The following PEX26 variants were observed in gnomAD, a reference collection of about 807,000 sequenced individuals.
The protein encoded by PEX26 is peroxisome assembly protein 26.
PEX26 carries 18 observed loss-of-function variants against 31.4 expected under a neutral mutation model. The observed-to-expected ratio is 0.57, with a 90% confidence interval of 0.40 to 0.85. PEX26 has a LOEUF of 0.85. Ranked by LOEUF, PEX26 falls within the 40% of genes least tolerant of loss-of-function variation. The pLI is 0.00. For missense variants in PEX26, 377 were observed against 383.9 expected, an observed-to-expected ratio of 0.98 and a Z score of 0.15; for synonymous variants, 176 against 166.9, an observed-to-expected ratio of 1.05 and a Z score of -0.42.
At position 18,098,811 on chromosome 22, in the gene PEX26, A is replaced by G. The variant is rs1382079353; in HGVS notation, c.*10736A>G. 3 of 151,666 alleles carry G rather than the reference A, an allele frequency of 2.0e-5. No homozygotes were observed. Among genetic ancestry groups the G allele is most frequent in the Admixed American group, 2.0e-4 (3 of 15,208 alleles). 9.4% of individuals were successfully genotyped at this position (151,666 alleles called of 1,614,324 possible). A position where few individuals can be genotyped will look rare whatever the true frequency, so the allele number is the denominator to read the frequency against. ...TACACATATGCAATGGAGTAATGAA[A>G]ATACTATATAATAAATATAAAATGG... is the stretch of plus-strand genomic sequence containing the variant. On this transcript the variant is annotated 3_prime_UTR_variant, in exon 5 of 5. Transcript: ENST00000399744.
Position 18,101,777 on chromosome 22 carries a change from G to T in PEX26, c.*13702G>T, listed in dbSNP as rs2123679837. On this transcript the variant is annotated 3_prime_UTR_variant, in exon 5 of 5. Transcript: ENST00000399744. ...TGGGCAAGTCAGCTCTCTGATGGAT[G>T]GTGCAATTTCCTTGGTCATTAACCT... 4.7e-6 allele frequency: 1 copy of T among 210,916 alleles called. No homozygotes were observed. The highest frequency in any genetic ancestry group is 9.4e-5 in the South Asian group (1 of 10,672). 13.1% of individuals were successfully genotyped at this position (210,916 alleles called of 1,614,324 possible). A position where few individuals can be genotyped will look rare whatever the true frequency, so the allele number is the denominator to read the frequency against.
At position 18,095,286 on chromosome 22, in the gene PEX26, A is replaced by G. The variant is rs1297514498; in HGVS notation, c.*7211A>G. 1 of 152,212 alleles carries G rather than the reference A, an allele frequency of 6.6e-6. No homozygotes were observed. The highest frequency in any genetic ancestry group is 1.5e-5 in the Non-Finnish European group (1 of 68,070). 9.4% of individuals were successfully genotyped at this position (152,212 alleles called of 1,614,324 possible). ...GTTCTTCTCAGATGTACCAGCAATG[A>G]CAAAGCCTGGCGGGTGTCCTCCTGG... is the stretch of plus-strand genomic sequence containing the variant. On this transcript the variant is annotated 3_prime_UTR_variant, in exon 5 of 5. Coordinates refer to ENST00000399744, the MANE Select transcript of PEX26 (RefSeq NM_001127649.3).
chr22:18,078,370 A>G lies in PEX26; in HGVS notation c.-7A>G, dbSNP rs747273337. On this transcript the variant is annotated 5_prime_UTR_variant, in exon 1 of 5. Transcript: ENST00000399744. ...CTGAGGACCTGGGCCTTGGACCCGG[A>G]CTCGTTATGAAGAGCGATTCTTCGA... 5.7e-6 allele frequency: 9 copies of G among 1,591,600 alleles called. No individual in the cohort carries two copies. In the East Asian group the frequency reaches 2.0e-4, roughly 36 times the overall value.
intron 3 of PEX26, among the ~76,000 whole-genome samples, chr22:18,084,500 C>T (rs560800746): frequency 1.3e-5 from 2 of 152,022 alleles, no homozygotes; most frequent in Non-Finnish European, 2.9e-5. Context: ...GCCTTGGCCT[C>T]CCAAAGTGCT....
chr22:18,079,695 A>G, intron 1 of PEX26, among the ~76,000 whole-genome samples, 179 bp from the exon 2 acceptor site: 1 of 152,164 alleles, frequency 6.6e-6, no homozygotes, highest in Non-Finnish European at 1.5e-5. Context: ...AGGAACTTTT[A>G]GTTCCTGGGG....
chr22:18,087,493 G>A (rs114618379), intron 4 of PEX26, among the ~76,000 whole-genome samples: 25 of 152,332 alleles, frequency 1.6e-4, no homozygotes, highest in African/African-American at 5.5e-4. Context: ...GTTAGCGCTC[G>A]GAATGCTCAG....
At chr22:18,082,328 T>A (rs1926649325) in intron 2 of PEX26, among the ~76,000 whole-genome samples, 1 of 152,194 alleles carries the variant, frequency 6.6e-6, no homozygotes, top group Non-Finnish European at 1.5e-5. Flanking sequence ...TTTCTTCTAG[T>A]AGTTTCATGG....
At chr22:18,085,919 A>G (rs941162224) in intron 4 of PEX26, among the ~76,000 whole-genome samples, 1 of 152,156 alleles carries the variant, frequency 6.6e-6, no homozygotes, top group Non-Finnish European at 1.5e-5. Flanking sequence ...CAGAATATCT[A>G]CAAAAGTGTT....
rs1427333036 is a variant in PEX26 at position 18,097,967 on chromosome 22, C to T, written c.*9892C>T. On this transcript the variant is annotated 3_prime_UTR_variant, in exon 5 of 5. Transcript: ENST00000399744. ...GTGGCCCATGCCCGTAATCCCACCA[C>T]TTTGGGTGGCCAAGGCAGGTGGATC... 6.6e-6 allele frequency: 1 copy of T among 152,286 alleles called. No homozygotes were observed. The highest frequency in any genetic ancestry group is 2.1e-4 in the South Asian group (1 of 4,836). The allele number at this position is 152,286 out of a possible 1,614,324, so 9.4% of individuals were successfully genotyped here. A position where few individuals can be genotyped will look rare whatever the true frequency, so the allele number is the denominator to read the frequency against.
rs751008716 is a variant in PEX26, at chr22:18,078,072, G to A, written c.-305G>A. 5.4e-6 allele frequency: 3 copies of A among 559,176 alleles called. No individual in the cohort carries two copies. The highest frequency in any genetic ancestry group is 4.1e-5 in the East Asian group (1 of 24,242). The allele number at this position is 559,176 out of a possible 1,614,324, so 34.6% of individuals were successfully genotyped here. On this transcript the variant is annotated 5_prime_UTR_variant, in exon 1 of 5. Transcript: ENST00000399744. ...GGTGAGTCTTTGATCGTAACCAGGA[G>A]CCCGGAGCTGAGGCAGTTCCTGCAC...
At chr22:18,080,805 G>A (rs361742) in intron 2 of PEX26, among the ~76,000 whole-genome samples, 20,428 of 151,738 alleles carry the variant, frequency 0.13, 1,768 homozygotes, top group African/African-American at 0.26. Flanking sequence ...CCTCTCTTCC[G>A]GCTATTTTAT....
Position 18,103,265 on chromosome 22 carries a change from C to A in PEX26, c.*15190C>A, listed in dbSNP as rs1317649747. ...AATGCTTGATAGCAGAATAGGGTGA[C>A]CATTGTTAACACTGTATTGGGTGTT... On this transcript the variant is annotated 3_prime_UTR_variant, in exon 5 of 5. Transcript: ENST00000399744. 7.0e-6 allele frequency: 1 copy of A among 142,362 alleles called. No homozygotes were observed. The highest frequency in any genetic ancestry group is 1.9e-4 in the East Asian group (1 of 5,174). The allele number at this position is 142,362 out of a possible 1,614,324, so 8.8% of individuals were successfully genotyped here.
chr22:18,086,283 G>A (rs890802070), intron 4 of PEX26, among the ~76,000 whole-genome samples: 1 of 152,084 alleles, frequency 6.6e-6, no homozygotes, highest in African/African-American at 2.4e-5. Context: ...TGGGCTACAA[G>A]AGCGAAACTC....
At position 18,081,279 on chromosome 22, in the gene PEX26, C is replaced by T. The variant is rs572259125; in HGVS notation, c.371+1265C>T. On this transcript the variant is annotated intron_variant, in intron 2 of 4. Coordinates refer to ENST00000399744, the MANE Select transcript of PEX26 (RefSeq NM_001127649.3). ...ACACACACACACACACACACACACA[C>T]ATTATCCATTCATCTGTTGTTGGAC... Among the ~76,000 whole-genome samples, 91 of 140,066 alleles carry T rather than the reference C, an allele frequency of 6.5e-4. 1 individual carries two copies. The Middle Eastern group carries it at 0.011, about 17-fold the overall frequency. The allele number at this position is 140,066 out of a possible 152,430, so 91.9% of individuals were successfully genotyped here.
intron 1 of PEX26, chr22:18,079,006 G>A: frequency 2.7e-6 from 1 of 374,642 alleles, no homozygotes; most frequent in Non-Finnish European, 5.2e-6. Flanking sequence ...CATGGCAGGA[G>A]CAGCGTTCTG....
rs1927208854 is a variant in PEX26, at chr22:18,093,865, G to C, written c.*5790G>C. 6.6e-6 allele frequency: 1 copy of C among 152,306 alleles called. No individual in the cohort carries two copies. The highest frequency in any genetic ancestry group is 2.4e-5 in the African/African-American group (1 of 41,454). The allele number at this position is 152,306 out of a possible 1,614,324, so 9.4% of individuals were successfully genotyped here. On this transcript the variant is annotated 3_prime_UTR_variant, in exon 5 of 5. Transcript: ENST00000399744. ...GGCTGCGAGCTCAGCGTCTTCACTA[G>C]AGAGAGTGGAGGTGGTTAGGAAAGG...
chr22:18,088,432 G>A lies in PEX26; in HGVS notation c.*357G>A. ...TTCAGGTCAGGATGTTAATGGAGCT[G>A]GAAGTTCAGAAAAAGCCTGGTGAAG... On this transcript the variant is annotated 3_prime_UTR_variant, in exon 5 of 5. Coordinates refer to ENST00000399744, the MANE Select transcript of PEX26 (RefSeq NM_001127649.3). The surrounding 1 kb of genome is among the most constrained non-coding windows in gnomAD (Gnocchi z 4.1). 1 of 383,840 alleles carries A rather than the reference G, an allele frequency of 2.6e-6. No homozygotes were observed. Among genetic ancestry groups the A allele is most frequent in the East Asian group, 6.3e-5 (1 of 15,892 alleles). The allele number at this position is 383,840 out of a possible 1,614,324, so 23.8% of individuals were successfully genotyped here. A position where few individuals can be genotyped will look rare whatever the true frequency, so the allele number is the denominator to read the frequency against.
In PEX26 at chr22:18,090,681, G is replaced by A. The variant is rs1462428980; in HGVS notation, c.*2606G>A. The A allele has an allele frequency of 4.1e-5, 6 of 146,082 alleles. No homozygotes were observed. Among genetic ancestry groups the A allele is most frequent in the African/African-American group, 1.5e-4 (6 of 40,062 alleles). The allele number at this position is 146,082 out of a possible 1,614,324, so 9.0% of individuals were successfully genotyped here. On this transcript the variant is annotated 3_prime_UTR_variant, in exon 5 of 5. Transcript: ENST00000399744. ...TGGATTTGCTGGTTGTTTCTACAGG[G>A]TTCTGAAGCATGCAACATAGAACAG... is the stretch of plus-strand genomic sequence containing the variant.
At position 18,095,298 on chromosome 22, in the gene PEX26, G is replaced by A. The variant is rs1163855048; in HGVS notation, c.*7223G>A. The A allele has an allele frequency of 6.6e-6, 1 of 152,196 alleles. No homozygotes were observed. The highest frequency in any genetic ancestry group is 2.4e-5 in the African/African-American group (1 of 41,426). The allele number at this position is 152,196 out of a possible 1,614,324, so 9.4% of individuals were successfully genotyped here. On this transcript the variant is annotated 3_prime_UTR_variant, in exon 5 of 5. Coordinates refer to ENST00000399744, the MANE Select transcript of PEX26 (RefSeq NM_001127649.3). ...TGTACCAGCAATGACAAAGCCTGGC[G>A]GGTGTCCTCCTGGGTAGGTATAAAT... is the stretch of plus-strand genomic sequence containing the variant.
Sources: allele counts gnomAD v4.1 joint callset (sites outside exome capture counted in the v4.1 genomes callset), GRCh38; gene constraint gnomAD v4.1.1; non-coding constraint Gnocchi (gnomAD v3.1); transcripts MANE v1.5; gene names NCBI Gene and HGNC (gene_info 2026-07-23, HGNC 2026-07-21).